The following GNAQ variants were observed in gnomAD, a reference collection of about 807,000 sequenced individuals.
GNAQ encodes G protein subunit alpha q.
GNAQ carries 8 observed loss-of-function variants against 43.9 expected under a neutral mutation model. The ratio of observed to expected loss-of-function variants is 0.18; its 90% CI spans 0.11 to 0.33. The LOEUF (loss-of-function observed/expected upper bound fraction) is 0.33. Among genes scored for constraint, GNAQ ranks in the 10% least tolerant of loss-of-function variants. The pLI, the probability that GNAQ is intolerant of heterozygous loss-of-function variation, is 1.00. For synonymous variants in GNAQ, 155 were observed against 170.7 expected (o/e 0.91, Z 0.71); for missense variants, 158 against 450.8 (o/e 0.35, Z 5.88).
chr9:77,984,719 C>T (rs1823411994), intron 1 of GNAQ, among the ~76,000 whole-genome samples: 1 of 152,092 alleles, frequency 6.6e-6, no homozygotes. Flanking sequence ...GGATTCAGTG[C>T]AGGTGCTCTA....
In GNAQ at chr9:77,848,708, T is replaced by C. The variant is rs182563279; in HGVS notation, c.322-32938A>G. ...CTTTGCCCTTCTGAGGGCTGTGGTA[T>C]TGGCCTCTCATCAGAGCCAACGTCC... On this transcript the variant is annotated intron_variant, in intron 2 of 6. Coordinates refer to ENST00000286548, the MANE Select transcript of GNAQ (RefSeq NM_002072.5). Among the ~76,000 whole-genome samples the C allele has an allele frequency of 8.5e-4, 130 of 152,340 alleles. 1 individual carries two copies. The highest frequency in any genetic ancestry group is 3.4e-3 in the Middle Eastern group (1 of 294).
rs1196875420 is a variant in GNAQ, at chr9:78,000,636, T to A, written c.136+30464A>T. Among the ~76,000 whole-genome samples, 3 of 152,202 alleles carry A rather than the reference T, an allele frequency of 2.0e-5. No homozygotes were observed. The East Asian group carries it at 5.8e-4, about 29-fold the overall frequency. On this transcript the variant is annotated intron_variant, in intron 1 of 6. Coordinates refer to ENST00000286548, the MANE Select transcript of GNAQ (RefSeq NM_002072.5). ...GCATAGTAATTCTGCTAAGATTACA[T>A]ACCAATAATTAGCTTTCCAGTGTGG...
Position 77,717,960 on chromosome 9 carries a change from G to A in GNAQ, c.*3363C>T, listed in dbSNP as rs1467158571. 4.3e-6 allele frequency: 1 copy of A among 232,538 alleles called. No individual in the cohort carries two copies. The highest frequency in any genetic ancestry group is 2.2e-5 in the African/African-American group (1 of 45,298). 14.4% of individuals were successfully genotyped at this position (232,538 alleles called of 1,614,324 possible). On this transcript the variant is annotated 3_prime_UTR_variant, in exon 7 of 7. Coordinates refer to ENST00000286548, the MANE Select transcript of GNAQ (RefSeq NM_002072.5). Reference sequence around the variant, plus strand: ...TTTCAGATATGAGGCACAAACTTCTGAATTTAAGCTCTGTAAGGCATAGTA... The same window carrying A: ...TTTCAGATATGAGGCACAAACTTCTAAATTTAAGCTCTGTAAGGCATAGTA...
At chr9:77,784,853 G>C (rs1048619254) in intron 5 of GNAQ, among the ~76,000 whole-genome samples, 4 of 152,180 alleles carry the variant, frequency 2.6e-5, no homozygotes, top group Admixed American at 6.5e-5. Context: ...TACTCAATCT[G>C]ATTTTAATTA....
chr9:77,862,139 G>C (rs1394951119), intron 2 of GNAQ, among the ~76,000 whole-genome samples: 4 of 151,844 alleles, frequency 2.6e-5, no homozygotes, highest in African/African-American at 9.7e-5. Flanking sequence ...AGTGTCTGCA[G>C]CTTTTCCAGG....
intron 5 of GNAQ, among the ~76,000 whole-genome samples, chr9:77,760,418 G>A (rs1257691146): frequency 6.6e-6 from 1 of 152,108 alleles, no homozygotes; most frequent in African/African-American, 2.4e-5. Flanking sequence ...TGTGTTGGCC[G>A]GGCTGGCCTC....
chr9:77,873,151 TGAA>T, intron 2 of GNAQ, among the ~76,000 whole-genome samples: 1 of 152,204 alleles, frequency 6.6e-6, no homozygotes, highest in East Asian at 1.9e-4. Flanking sequence ...TGAAGCTAGC[TGAA>T]GAATAGAAAC....
chr9:77,996,677 C>CAAA (rs3083223), intron 1 of GNAQ, among the ~76,000 whole-genome samples: 1 of 105,588 alleles, frequency 9.5e-6, no homozygotes, highest in African/African-American at 3.7e-5. Context: ...GACTCCATCT[C>CAAA]AAAAAAAAAA....
At position 78,031,275 on chromosome 9, in the gene GNAQ, C is replaced by G; in HGVS notation, c.-40G>C. 2.1e-6 allele frequency: 3 copies of G among 1,440,000 alleles called. No homozygotes were observed. The highest frequency in any genetic ancestry group is 2.8e-6 in the Non-Finnish European group (3 of 1,079,850). The allele number at this position is 1,440,000 out of a possible 1,614,324, so 89.2% of individuals were successfully genotyped here. On this transcript the variant is annotated 5_prime_UTR_variant, in exon 1 of 7. Coordinates refer to ENST00000286548, the MANE Select transcript of GNAQ (RefSeq NM_002072.5). ...TCCGCTGCAGCCCCGCCGGCACCCCCTGCTCACAGCGCGCACACACACCCT... is the reference window on the plus strand; with the variant it reads ...TCCGCTGCAGCCCCGCCGGCACCCCGTGCTCACAGCGCGCACACACACCCT...
At chr9:77,937,251 C>T (rs879342218) in intron 1 of GNAQ, among the ~76,000 whole-genome samples, 3 of 151,688 alleles carry the variant, frequency 2.0e-5, no homozygotes, top group Admixed American at 1.3e-4. Context: ...ACCAGCCTGG[C>T]CAACATAGTG....
chr9:77,780,717 C>T (rs190422538), intron 5 of GNAQ, among the ~76,000 whole-genome samples: 33 of 152,100 alleles, frequency 2.2e-4, no homozygotes, highest in African/African-American at 7.0e-4. Flanking sequence ...TATTAGTTTA[C>T]GTTCTCACCA....
At chr9:77,824,511 G>T (rs989973278) in intron 2 of GNAQ, among the ~76,000 whole-genome samples, 1 of 152,172 alleles carries the variant, frequency 6.6e-6, no homozygotes, top group Non-Finnish European at 1.5e-5. Flanking sequence ...GGATACAACT[G>T]TGATTTATGT....
chr9:77,876,018 T>C (rs1157103537), intron 2 of GNAQ, among the ~76,000 whole-genome samples: 1 of 152,200 alleles, frequency 6.6e-6, no homozygotes, highest in African/African-American at 2.4e-5. Flanking sequence ...ACCATGAGGA[T>C]TATTATTTAT....
intron 2 of GNAQ, among the ~76,000 whole-genome samples, chr9:77,914,172 G>GT (rs1828857030): frequency 6.6e-6 from 1 of 152,198 alleles, no homozygotes; most frequent in Non-Finnish European, 1.5e-5. Context: ...TGGCTAGGAA[G>GT]TATCTGCAAG....
At chr9:77,746,075 A>T (rs1424323777) in intron 5 of GNAQ, among the ~76,000 whole-genome samples, 1 of 152,224 alleles carries the variant, frequency 6.6e-6, no homozygotes, top group Non-Finnish European at 1.5e-5. Flanking sequence ...GAAAGGGATC[A>T]TTGGAAGACT....
chr9:77,989,364 C>T (rs1823481017), intron 1 of GNAQ, among the ~76,000 whole-genome samples: 1 of 152,182 alleles, frequency 6.6e-6, no homozygotes. Flanking sequence ...AGTTCAGACT[C>T]GAATGTTGAA....
At chr9:77,799,174 A>G (rs1321190135) in intron 3 of GNAQ, among the ~76,000 whole-genome samples, 2 of 152,224 alleles carry the variant, frequency 1.3e-5, no homozygotes, top group Non-Finnish European at 2.9e-5. Context: ...GATGGGGCAC[A>G]GACATGGCTT....
intron 1 of GNAQ, among the ~76,000 whole-genome samples, chr9:77,924,451 A>T (rs1354416957): frequency 6.6e-6 from 1 of 152,198 alleles, no homozygotes; most frequent in African/African-American, 2.4e-5. Context: ...ATTAATTCAC[A>T]ATAAAAAAAG....
At chr9:77,891,003 T>C (rs1828396959) in intron 2 of GNAQ, among the ~76,000 whole-genome samples, 1 of 152,300 alleles carries the variant, frequency 6.6e-6, no homozygotes, top group East Asian at 1.9e-4. Context: ...AAAGATATGG[T>C]ATAGCAAGAG....
Sources: gnomAD v4.1 joint callset for allele counts (sites outside exome capture counted in the v4.1 genomes callset) on GRCh38, gnomAD v4.1.1 for gene constraint, MANE v1.5 for transcripts, NCBI Gene and HGNC (gene_info 2026-07-23, HGNC 2026-07-21) for gene names.